The following MICU2 variants were observed in gnomAD, a reference collection of about 807,000 sequenced individuals.
MICU2 encodes mitochondrial calcium uptake 2.
In MICU2, 64 loss-of-function variants were observed where a neutral mutation model predicts 60.4. The observed-to-expected ratio is 1.06, with a 90% confidence interval of 0.87 to 1.31. MICU2 has a LOEUF of 1.31. Among genes scored for constraint, MICU2 ranks in the 50% most tolerant of loss-of-function variants. MICU2 has a pLI of 0.00. For synonymous variants in MICU2, 201 were observed against 175.0 expected, an observed-to-expected ratio of 1.15 and a Z score of -1.17; for missense variants, 569 against 531.0, an observed-to-expected ratio of 1.07 and a Z score of -0.70.
At chr13:21,515,085 GT>G (rs5802119) in intron 6 of MICU2, among the ~76,000 whole-genome samples, 101,433 of 139,216 alleles carry the variant, frequency 0.73, 38,895 homozygotes, top group East Asian at 0.99. Flanking sequence ...CAAGTATATA[GT>G]TTTTTTTTTT....
chr13:21,563,792 A>G (rs1243577126), intron 2 of MICU2, among the ~76,000 whole-genome samples: 1 of 147,640 alleles, frequency 6.8e-6, no homozygotes, highest in African/African-American at 2.5e-5. Context: ...GGTCCGTTAC[A>G]CTGATGGGCC....
chr13:21,507,838 C>T (rs1210657564), intron 8 of MICU2, among the ~76,000 whole-genome samples: 1 of 151,768 alleles, frequency 6.6e-6, no homozygotes, highest in Admixed American at 6.6e-5. Flanking sequence ...CTCCTGACCT[C>T]GTGATCTGCC....
At chr13:21,559,737 C>G (rs1250703945) in intron 2 of MICU2, among the ~76,000 whole-genome samples, 1 of 152,050 alleles carries the variant, frequency 6.6e-6, no homozygotes, top group Non-Finnish European at 1.5e-5. Flanking sequence ...GTTGGCCAGG[C>G]TGGTCTTGAA....
intron 2 of MICU2, among the ~76,000 whole-genome samples, chr13:21,546,794 A>C (rs78816955): frequency 0.029 from 4,473 of 152,244 alleles, 204 homozygotes; most frequent in African/African-American, 0.1. Flanking sequence ...TACATCTGAG[A>C]TTGCTAATTT....
chr13:21,582,788 G>A (rs1228195451), intron 1 of MICU2: 1 of 152,866 alleles, frequency 6.5e-6, no homozygotes, highest in Non-Finnish European at 1.5e-5. Context: ...TCTAACCCTA[G>A]CCAATAGGGG....
intron 1 of MICU2, among the ~76,000 whole-genome samples, chr13:21,598,098 G>C (rs532648966): frequency 6.6e-6 from 1 of 151,812 alleles, no homozygotes; most frequent in South Asian, 2.1e-4. Context: ...TATTTATTTA[G>C]ATTAAAAAAT....
chr13:21,589,811 A>G (rs1302566789), intron 1 of MICU2, among the ~76,000 whole-genome samples: 1 of 152,072 alleles, frequency 6.6e-6, no homozygotes, highest in Non-Finnish European at 1.5e-5. Context: ...AAATTACCCA[A>G]TTGAAATTAG....
At chr13:21,493,412 T>G (rs1000007474) in intron 11 of MICU2, 59 bp from the exon 12 acceptor site, 16 of 1,203,280 alleles carry the variant, frequency 1.3e-5, no homozygotes, top group African/African-American at 4.6e-5. Flanking sequence ...CATGATTTCA[T>G]ATATACTTTA....
chr13:21,567,444 GTGAC>G (rs1888012293), intron 1 of MICU2, among the ~76,000 whole-genome samples: 1 of 152,276 alleles, frequency 6.6e-6, no homozygotes, highest in African/African-American at 2.4e-5. Flanking sequence ...CGTTACCAGA[GTGAC>G]TGAGGAAAGA....
chr13:21,502,388 C>A (rs762521855), intron 9 of MICU2, among the ~76,000 whole-genome samples: 18 of 152,200 alleles, frequency 1.2e-4, no homozygotes, highest in Non-Finnish European at 1.8e-4. Context: ...GCTTGGCAAT[C>A]ATCATTTCAT....
chr13:21,592,659 T>C (rs1037468812), intron 1 of MICU2, among the ~76,000 whole-genome samples: 8 of 152,226 alleles, frequency 5.3e-5, no homozygotes, highest in Non-Finnish European at 1.0e-4. Context: ...TCAAAAAGTT[T>C]ATCCACCACG....
At chr13:21,537,277 G>A (rs1476196964) in intron 4 of MICU2, among the ~76,000 whole-genome samples, 1 of 151,992 alleles carries the variant, frequency 6.6e-6, no homozygotes, top group African/African-American at 2.4e-5. Context: ...AATCCTAACT[G>A]TCCAACTATT....
chr13:21,550,880 C>T (rs977448622), intron 2 of MICU2, among the ~76,000 whole-genome samples: 1 of 152,204 alleles, frequency 6.6e-6, no homozygotes, highest in South Asian at 2.1e-4. Flanking sequence ...AGACACAATA[C>T]TACTAAGTGG....
intron 1 of MICU2, among the ~76,000 whole-genome samples, chr13:21,575,196 C>T (rs980425856): frequency 1.3e-5 from 2 of 151,674 alleles, no homozygotes; most frequent in African/African-American, 4.8e-5. Flanking sequence ...ATTTTTTTTT[C>T]AACCCCATAG....
intron 4 of MICU2, chr13:21,531,311 A>C (rs1200977565): frequency 1.9e-6 from 3 of 1,573,468 alleles, no homozygotes; most frequent in Non-Finnish European, 2.6e-6. Flanking sequence ...ACTCACCAAC[A>C]AATGTACAGC....
chr13:21,583,522 T>C (rs1373191799), intron 1 of MICU2, among the ~76,000 whole-genome samples: 3 of 152,210 alleles, frequency 2.0e-5, no homozygotes, highest in East Asian at 3.9e-4. Context: ...GTCTTTCATA[T>C]ATACTTCAAC....
At chr13:21,502,793 G>C in intron 9 of MICU2, 133 bp downstream of exon 9, 2 of 792,770 alleles carry the variant, frequency 2.5e-6, no homozygotes, top group Non-Finnish European at 4.0e-6. Flanking sequence ...AGCATGTAGA[G>C]AACATTCCTC....
At chr13:21,530,743 G>A in intron 4 of MICU2, 1 of 530,386 alleles carries the variant, frequency 1.9e-6, no homozygotes, top group Non-Finnish European at 3.4e-6. Context: ...GACAGCCAGA[G>A]CAGCCCCCAC....
At chr13:21,572,791 A>G (rs1173752777) in intron 1 of MICU2, among the ~76,000 whole-genome samples, 1 of 152,124 alleles carries the variant, frequency 6.6e-6, no homozygotes, top group African/African-American at 2.4e-5. Context: ...CACAGCTGCA[A>G]TTGCCTGGAC....
Sources: gnomAD v4.1 joint callset for allele counts (sites outside exome capture counted in the v4.1 genomes callset) on GRCh38, gnomAD v4.1.1 for gene constraint, MANE v1.5 for transcripts, NCBI Gene and HGNC (gene_info 2026-07-23, HGNC 2026-07-21) for gene names.